The following SYNCRIP variants were observed in gnomAD, a reference collection of about 807,000 sequenced individuals.
SYNCRIP encodes the protein synaptotagmin binding cytoplasmic RNA interacting protein.
SYNCRIP carries 9 observed loss-of-function variants against 68.9 expected under a neutral mutation model. That is an observed-to-expected ratio of 0.13 (90% CI 0.08 to 0.23). The LOEUF is 0.23. Among genes scored for constraint, SYNCRIP ranks in the 10% least tolerant of loss-of-function variants. The pLI is 1.00. For missense variants in SYNCRIP, 414 were observed against 770.6 expected, an observed-to-expected ratio of 0.54 and a Z score of 5.48; for synonymous variants, 258 against 254.0, an observed-to-expected ratio of 1.02 and a Z score of -0.15.
intron 6 of SYNCRIP, among the ~76,000 whole-genome samples, chr6:85,635,081 C>A (rs1165889660): frequency 6.6e-6 from 1 of 152,074 alleles, no homozygotes; most frequent in African/African-American, 2.4e-5. Flanking sequence ...AGGAGAATTG[C>A]CTGAGCCCAG....
chr6:85,634,783 G>T (rs747576085), intron 6 of SYNCRIP, among the ~76,000 whole-genome samples: 36 of 152,162 alleles, frequency 2.4e-4, no homozygotes, highest in Non-Finnish European at 4.3e-4. Context: ...TTTTATAGGA[G>T]ATTAAAGGAT....
At chr6:85,627,135 G>A (rs1458931032) in intron 6 of SYNCRIP, among the ~76,000 whole-genome samples, 2 of 151,980 alleles carry the variant, frequency 1.3e-5, no homozygotes, top group Non-Finnish European at 2.9e-5. Context: ...GGGAGTGGTG[G>A]CAGGCACCTG....
chr6:85,616,880 A>C (rs372783238), intron 10 of SYNCRIP, among the ~76,000 whole-genome samples: 36 of 152,270 alleles, frequency 2.4e-4, no homozygotes, highest in African/African-American at 7.9e-4. Context: ...AGGGGGTGCT[A>C]CTGGCATCTA....
intron 6 of SYNCRIP, among the ~76,000 whole-genome samples, chr6:85,633,185 G>A (rs1364485858): frequency 6.6e-6 from 1 of 151,992 alleles, no homozygotes; most frequent in Non-Finnish European, 1.5e-5. Flanking sequence ...GAACCCGGGA[G>A]GCAGAGCTTG....
chr6:85,636,832 T>C, intron 6 of SYNCRIP, 135 bp downstream of exon 6: 4 of 725,832 alleles, frequency 5.5e-6, no homozygotes, highest in South Asian at 2.4e-5. Flanking sequence ...GCTTGCACAG[T>C]GATGTGGGAA....
At chr6:85,621,488 C>G (rs191667212) in intron 8 of SYNCRIP, among the ~76,000 whole-genome samples, 1 of 151,904 alleles carries the variant, frequency 6.6e-6, no homozygotes, top group Non-Finnish European at 1.5e-5. Flanking sequence ...TAGTACACAC[C>G]TGTAGTTCTA....
rs769936271 is a variant in SYNCRIP, at chr6:85,614,031, T to C, written c.*725A>G. 64 of 985,532 alleles carry C rather than the reference T, an allele frequency of 6.5e-5. No individual in the cohort carries two copies. Among genetic ancestry groups the C allele is most frequent in the Non-Finnish European group, 7.5e-5 (62 of 829,866 alleles). 61.0% of individuals were successfully genotyped at this position (985,532 alleles called of 1,614,324 possible). On this transcript the variant is annotated 3_prime_UTR_variant, in exon 11 of 11. Transcript: ENST00000369622. The stretch of plus-strand genomic sequence containing the variant: ...TGGGAACATGAAGTCTGTTGTAAAA[T>C]AGCACTTTAAACCAGAAGCAGAAAA...
chr6:85,637,102 T>G lies in SYNCRIP; in HGVS notation c.531A>C (p.Glu177Asp). Reference sequence around the variant, plus strand: ...CAGCTTTCTCAAATAATGGAACAAGTTCATCCTCAAATAGATCTCTTGGGA... The same window carrying G: ...CAGCTTTCTCAAATAATGGAACAAGGTCATCCTCAAATAGATCTCTTGGGA... ...GKIPRDLFEDELVPLFEKAGP... is the reference protein window; with the variant it reads ...GKIPRDLFEDDLVPLFEKAGP... Residue 177 changes from glutamate (E) to aspartate (D), a missense_variant, in exon 6 of 11, where the codon GAA (glutamate) becomes GAC (aspartate). Physicochemically the swap from Glu to Asp is conservative, Grantham distance 45. Coordinates refer to ENST00000369622, the MANE Select transcript of SYNCRIP (RefSeq NM_006372.5). 1 of 1,613,502 alleles carries G rather than the reference T, an allele frequency of 6.2e-7. No individual in the cohort carries two copies. The highest frequency in any genetic ancestry group is 8.5e-7 in the Non-Finnish European group (1 of 1,179,880).
intron 10 of SYNCRIP, 67 bp downstream of exon 10, chr6:85,618,751 G>A (rs1439810773): frequency 2.9e-6 from 4 of 1,379,344 alleles, no homozygotes; most frequent in Non-Finnish European, 4.0e-6. Context: ...ATCAACACCT[G>A]TTATTTTCCA....
At chr6:85,631,835 A>G (rs778281537) in intron 6 of SYNCRIP, among the ~76,000 whole-genome samples, 2 of 152,204 alleles carry the variant, frequency 1.3e-5, no homozygotes, top group Non-Finnish European at 2.9e-5. Context: ...AGGCAAGTCT[A>G]TTTCTTTCTA....
chr6:85,615,370 T>G, intron 10 of SYNCRIP, 23 bp from the exon 11 acceptor site: 1 of 1,425,884 alleles, frequency 7.0e-7, no homozygotes, highest in Non-Finnish European at 9.3e-7. Context: ...AGACAGAGAT[T>G]AGAGTTTAAA....
At chr6:85,631,248 A>C (rs1016046376) in intron 6 of SYNCRIP, among the ~76,000 whole-genome samples, 2 of 151,176 alleles carry the variant, frequency 1.3e-5, no homozygotes, top group Non-Finnish European at 2.9e-5. Context: ...TGGCTGAGGC[A>C]GAACTGCTTG....
At chr6:85,623,922 G>A in intron 7 of SYNCRIP, 55 bp downstream of exon 7, 1 of 1,585,774 alleles carries the variant, frequency 6.3e-7, no homozygotes, top group East Asian at 2.2e-5. Context: ...ACAGAAATAT[G>A]CTATTAATCT....
chr6:85,627,191 CTGGGCGG>C (rs1807150865), intron 6 of SYNCRIP, among the ~76,000 whole-genome samples: 1 of 150,386 alleles, frequency 6.6e-6, no homozygotes, highest in Non-Finnish European at 1.5e-5. Context: ...TCACTTGAAA[CTGGGCGG>C]CAGGGGTTGC....
chr6:85,612,015 T>C (rs1365770676), downstream of SYNCRIP: 1 of 152,146 alleles, frequency 6.6e-6, no homozygotes, highest in Non-Finnish European at 1.5e-5. Flanking sequence ...TGCTAAACTA[T>C]TATACATCCA....
chr6:85,637,460 A>G (rs1808588823), intron 4 of SYNCRIP, 104 bp from the exon 5 acceptor site: 1 of 709,324 alleles, frequency 1.4e-6, no homozygotes, highest in Non-Finnish European at 2.2e-6. Context: ...TTATCTTGGC[A>G]TGTTCCCTTA....
rs1233432930 is a variant in SYNCRIP, at chr6:85,615,080, AGGAGCAGCCCCACGACCTCTGGAT to A, written c.1524_1547del (p.Ser509_Pro516del). ...GTGAATAACCGGCTCTACCGCGGGG[AGGAGCAGCCCCACGACCTCTGGAT>A]GGAGCAGCACCCCTTGCTCCTCTAC... On this transcript the variant is annotated inframe_deletion, in exon 11 of 11. Transcript: ENST00000369622. 2 of 1,613,944 alleles carry A rather than the reference AGGAGCAGCCCCACGACCTCTGGAT, an allele frequency of 1.2e-6. No individual in the cohort carries two copies. The highest frequency in any genetic ancestry group is 1.7e-6 in the Non-Finnish European group (2 of 1,180,006).
chr6:85,616,258 T>C (rs1246611818), intron 10 of SYNCRIP, among the ~76,000 whole-genome samples: 1 of 152,208 alleles, frequency 6.6e-6, no homozygotes, highest in Non-Finnish European at 1.5e-5. Flanking sequence ...TCCCATGAAA[T>C]ATGGAAATTA....
chr6:85,627,916 C>T (rs909705150), intron 6 of SYNCRIP, among the ~76,000 whole-genome samples: 5 of 152,162 alleles, frequency 3.3e-5, no homozygotes, highest in Non-Finnish European at 7.3e-5. Context: ...TTTTAAGTCA[C>T]TTTTAAGTCC....
Sources: gnomAD v4.1 joint callset for allele counts (sites outside exome capture counted in the v4.1 genomes callset) on GRCh38, gnomAD v4.1.1 for gene constraint, MANE v1.5 for transcripts, NCBI Gene and HGNC (gene_info 2026-07-23, HGNC 2026-07-21) for gene names.